Variants in LRP1B observed in about 807,000 individuals in gnomAD.
The protein encoded by LRP1B is low-density lipoprotein receptor-related protein 1B.
In LRP1B, 217 loss-of-function variants were observed where a neutral mutation model predicts 556.6. The observed-to-expected ratio is 0.39, with a 90% confidence interval of 0.35 to 0.44. The LOEUF (loss-of-function observed/expected upper bound fraction) is 0.44, where lower values mean the gene tolerates loss of function less well. LRP1B is among the 20% of genes least tolerant of loss of function. The pLI is 1.00. For missense variants in LRP1B, 5,053 were observed against 5,620.8 expected, an observed-to-expected ratio of 0.90 and a Z score of 3.23; for synonymous variants, 2,047 against 1,865.8, an observed-to-expected ratio of 1.10 and a Z score of -2.50.
intron 25 of LRP1B, among the ~76,000 whole-genome samples, chr2:140,879,044 T>C (rs974386761): frequency 6.6e-6 from 1 of 151,380 alleles, no homozygotes; most frequent in African/African-American, 2.4e-5. Context: ...AAACAAACTA[T>C]GAATTTGGAA....
rs148672199 is a variant in LRP1B at position 141,135,894 on chromosome 2, T to C, written c.1013+52527A>G. Among the ~76,000 whole-genome samples, 15 of 152,008 alleles carry C rather than the reference T, an allele frequency of 9.9e-5. No homozygotes were observed. The East Asian group carries it at 2.7e-3, about 27-fold the overall frequency. ...ACTAATTACCCCAAGCAAAATATAA[T>C]TAAGGCAAGAAACTTACTCTGAAAA... On this transcript the variant is annotated intron_variant, in intron 7 of 90. Coordinates refer to ENST00000389484, the MANE Select transcript of LRP1B (RefSeq NM_018557.3).
rs1236041290 is a variant in LRP1B, at chr2:141,464,584, G to GTATATATATATATATATA, written c.343+15794_343+15811dup. Among the ~76,000 whole-genome samples, 90 of 88,396 alleles carry GTATATATATATATATATA rather than the reference G, an allele frequency of 1.0e-3. 2 individuals carry two copies. Among genetic ancestry groups the GTATATATATATATATATA allele is most frequent in the South Asian group, 9.8e-3 (25 of 2,554 alleles). The allele number at this position is 88,396 out of a possible 152,430, so 58.0% of individuals were successfully genotyped here. A position where few individuals can be genotyped will look rare whatever the true frequency, so the allele number is the denominator to read the frequency against. On this transcript the variant is annotated intron_variant, in intron 3 of 90. Coordinates refer to ENST00000389484, the MANE Select transcript of LRP1B (RefSeq NM_018557.3). ...CCCGCCACCACGCCTGGCTAATTTTGTATATATATATATATATATATATTT... is the reference window on the plus strand; with the variant it reads ...CCCGCCACCACGCCTGGCTAATTTTGTATATATATATATATATATATATATATATATATATATATATTT...
chr2:141,125,419 A>T (rs1384581602), intron 7 of LRP1B, among the ~76,000 whole-genome samples: 1 of 152,218 alleles, frequency 6.6e-6, no homozygotes, highest in Non-Finnish European at 1.5e-5. Flanking sequence ...GAATGTTGGA[A>T]AAATTTTGAG....
intron 2 of LRP1B, among the ~76,000 whole-genome samples, chr2:141,675,507 A>G (rs923990101): frequency 2.5e-5 from 3 of 122,054 alleles, no homozygotes; most frequent in Non-Finnish European, 5.1e-5. Flanking sequence ...TGGGAAAACT[A>G]CTTAATGTCT....
intron 20 of LRP1B, among the ~76,000 whole-genome samples, chr2:140,936,043 G>T (rs915915277): frequency 4.8e-5 from 7 of 144,558 alleles, no homozygotes; most frequent in African/African-American, 1.5e-4. Flanking sequence ...AGTGTCAAAA[G>T]AAAAAAAAAA....
chr2:140,622,662 G>T (rs1208320221), intron 41 of LRP1B, among the ~76,000 whole-genome samples: 1 of 151,954 alleles, frequency 6.6e-6, no homozygotes, highest in African/African-American at 2.4e-5. Context: ...TCCTTAGTTG[G>T]CCATAAGGCA....
chr2:141,809,194 T>A (rs1252630258), intron 2 of LRP1B, among the ~76,000 whole-genome samples: 1 of 152,068 alleles, frequency 6.6e-6, no homozygotes, highest in Non-Finnish European at 1.5e-5. Flanking sequence ...CCTGCAAATA[T>A]TCAGGTATTC....
intron 2 of LRP1B, among the ~76,000 whole-genome samples, chr2:141,630,543 G>A (rs1189784473): frequency 3.3e-5 from 5 of 152,046 alleles, no homozygotes; most frequent in Admixed American, 3.3e-4. Context: ...CCTTTCCCAG[G>A]CTGATCAAAT....
chr2:142,054,404 C>T (rs1704583557), intron 1 of LRP1B, among the ~76,000 whole-genome samples: 1 of 152,062 alleles, frequency 6.6e-6, no homozygotes, highest in African/African-American at 2.4e-5. Context: ...CAATAGCTCC[C>T]TAAAATGCCA....
At chr2:141,490,527 T>C (rs931931079) in intron 2 of LRP1B, among the ~76,000 whole-genome samples, 1 of 152,076 alleles carries the variant, frequency 6.6e-6, no homozygotes. Context: ...ACTTAGAATA[T>C]AGACAAAGTT....
In LRP1B at chr2:142,102,315, A is replaced by T. The variant is rs1049610541; in HGVS notation, c.82+28333T>A. 7.2e-5 allele frequency among the ~76,000 whole-genome samples: 11 copies of T among 152,038 alleles called. No individual in the cohort carries two copies. The East Asian group carries it at 2.1e-3, about 29-fold the overall frequency. On this transcript the variant is annotated intron_variant, in intron 1 of 90. Coordinates refer to ENST00000389484, the MANE Select transcript of LRP1B (RefSeq NM_018557.3). ...AAATGCCTGAAAATGACACAGACACACACACACACAAAAGAAAACATGACG... is the reference window on the plus strand; with the variant it reads ...AAATGCCTGAAAATGACACAGACACTCACACACACAAAAGAAAACATGACG...
intron 2 of LRP1B, among the ~76,000 whole-genome samples, chr2:141,606,598 G>A (rs1441049311): frequency 6.6e-6 from 1 of 152,252 alleles, no homozygotes; most frequent in East Asian, 1.9e-4. Flanking sequence ...TTTAGCATGG[G>A]CCTTAATACA....
At position 141,738,616 on chromosome 2, in the gene LRP1B, AGTTT is replaced by A. The variant is rs149474159; in HGVS notation, c.205+71659_205+71662del. Among the ~76,000 whole-genome samples, 234 of 152,304 alleles carry A rather than the reference AGTTT, an allele frequency of 1.5e-3. 7 individuals are homozygous for A. The East Asian group carries it at 0.036, about 23-fold the overall frequency. On this transcript the variant is annotated intron_variant, in intron 2 of 90. Transcript: ENST00000389484. ...AAATTCATGATACACCTTTGAAGTT[AGTTT>A]AAGTTAGTTTAAATATCAGTTTTCA...
intron 2 of LRP1B, among the ~76,000 whole-genome samples, chr2:141,695,467 C>T (rs942169688): frequency 2.0e-5 from 3 of 151,912 alleles, no homozygotes; most frequent in African/African-American, 7.2e-5. Context: ...ATTACTTGAT[C>T]TTCACAATAA....
At chr2:140,501,079 G>C (rs1363751636) in intron 55 of LRP1B, among the ~76,000 whole-genome samples, 1 of 151,916 alleles carries the variant, frequency 6.6e-6, no homozygotes, top group Non-Finnish European at 1.5e-5. Flanking sequence ...TACTGAAACA[G>C]AGTTGGTTTT....
In LRP1B at chr2:140,366,717, G is replaced by A. The variant is rs973340626; in HGVS notation, c.11009-1934C>T. 2.6e-5 allele frequency among the ~76,000 whole-genome samples: 4 copies of A among 151,658 alleles called. No individual in the cohort carries two copies. The East Asian group carries it at 7.8e-4, about 29-fold the overall frequency. ...TAATGCTAAGCAGGTTTAGTGAAATGGTGGTTGGTTTAATGAAATGATTGT... is the reference window on the plus strand; with the variant it reads ...TAATGCTAAGCAGGTTTAGTGAAATAGTGGTTGGTTTAATGAAATGATTGT... On this transcript the variant is annotated intron_variant, in intron 71 of 90. Coordinates refer to ENST00000389484, the MANE Select transcript of LRP1B (RefSeq NM_018557.3).
rs1682543802 is a variant in LRP1B at position 140,598,813 on chromosome 2, T to C, written c.7012A>G (p.Asn2338Asp). The C allele has an allele frequency of 1.2e-6, 2 of 1,606,600 alleles. No homozygotes were observed. Among genetic ancestry groups the C allele is most frequent in the African/African-American group, 1.3e-5 (1 of 74,642 alleles). The change falls in exon 43 of 91, where the codon AAT becomes GAT. Residue 2338 changes from asparagine (N) to aspartate (D), a missense_variant. Transcript: ENST00000389484. The stretch of plus-strand genomic sequence containing the variant: ...CTCATGATACTTGGATGTTGTTCAT[T>C]CCAGTTGGTCCAAAACATTAAACTA... ...CQNLMFWTNW[N>D]EQHPSIMRST...
intron 25 of LRP1B, among the ~76,000 whole-genome samples, chr2:140,877,897 A>G (rs946938563): frequency 2.0e-5 from 3 of 152,202 alleles, no homozygotes; most frequent in Non-Finnish European, 4.4e-5. Context: ...AACCTTGGCC[A>G]AATAAACTTT....
chr2:140,771,807 G>T (rs1455510998), intron 33 of LRP1B, among the ~76,000 whole-genome samples: 1 of 152,172 alleles, frequency 6.6e-6, no homozygotes, highest in African/African-American at 2.4e-5. Flanking sequence ...AGCATGCAAT[G>T]CCATTTACTG....
Sources: gnomAD v4.1 joint callset for allele counts (sites outside exome capture counted in the v4.1 genomes callset) on GRCh38, gnomAD v4.1.1 for gene constraint, MANE v1.5 for transcripts, NCBI Gene and HGNC (gene_info 2026-07-23, HGNC 2026-07-21) for gene names.